The following CYTH1 variants were observed in gnomAD, a reference collection of about 807,000 sequenced individuals.
CYTH1 encodes cytohesin-1.
Under a neutral mutation model 61.8 loss-of-function variants are expected in CYTH1, and 18 were observed. That is an observed-to-expected ratio of 0.29 (90% CI 0.20 to 0.43). The LOEUF (loss-of-function observed/expected upper bound fraction) is 0.43, where lower values mean the gene tolerates loss of function less well. Ranked by LOEUF, CYTH1 falls within the 20% of genes least tolerant of loss-of-function variation. The pLI is 1.00. For missense variants in CYTH1, 336 were observed against 510.5 expected (o/e 0.66, Z 3.29); for synonymous variants, 174 against 184.3 (o/e 0.94, Z 0.45).
chr17:78,702,653 G>T (rs1451450594), intron 3 of CYTH1, 49 bp from the exon 4 acceptor site: 1 of 1,570,490 alleles, frequency 6.4e-7, no homozygotes, highest in Admixed American at 1.7e-5. Flanking sequence ...CCATCGGAAA[G>T]GCTTGAAAGA....
chr17:78,761,465 G>A lies in CYTH1; in HGVS notation c.22+20737C>T, dbSNP rs185655484. Among the ~76,000 whole-genome samples, 133 of 152,330 alleles carry A rather than the reference G, an allele frequency of 8.7e-4. 4 individuals carry two copies. Among genetic ancestry groups the A allele is most frequent in the Non-Finnish European group, 9.4e-4 (64 of 68,036 alleles). ...AAAAATCAAGAGGCAGGGGCCAGGC[G>A]CGGTGGCTCACGCCTGTAATCCCAA... On this transcript the variant is annotated intron_variant, in intron 1 of 13. Transcript: ENST00000446868.
At chr17:78,684,355 A>G (rs1045548842) in intron 11 of CYTH1, among the ~76,000 whole-genome samples, 1 of 152,240 alleles carries the variant, frequency 6.6e-6, no homozygotes, top group Admixed American at 6.5e-5. Flanking sequence ...CTGGGCAGCA[A>G]TGTAAAATCC....
At chr17:78,722,568 G>A (rs2093237869) in intron 1 of CYTH1, among the ~76,000 whole-genome samples, 1 of 152,162 alleles carries the variant, frequency 6.6e-6, no homozygotes, top group South Asian at 2.1e-4. Flanking sequence ...CTGTCAGCTT[G>A]CACAGCTGGG....
intron 1 of CYTH1, among the ~76,000 whole-genome samples, chr17:78,755,841 G>A (rs2093398487): frequency 6.6e-6 from 1 of 151,482 alleles, no homozygotes; most frequent in Admixed American, 6.6e-5. Flanking sequence ...AGCCCAAGAG[G>A]TTGAGGTTGC....
chr17:78,698,735 G>GC (rs1398753232), intron 8 of CYTH1, 85 bp downstream of exon 8: 3 of 1,421,692 alleles, frequency 2.1e-6, no homozygotes, highest in African/African-American at 1.5e-5. Context: ...TAAATTGTAT[G>GC]TTTTTTCTTC....
chr17:78,714,205 G>C (rs528982021), intron 1 of CYTH1, among the ~76,000 whole-genome samples: 5 of 152,126 alleles, frequency 3.3e-5, no homozygotes, highest in Admixed American at 3.3e-4. Context: ...CAAGAGAATC[G>C]CTTGAACCCC....
At chr17:78,690,747 C>T (rs1408366317) in intron 11 of CYTH1, among the ~76,000 whole-genome samples, 3 of 152,208 alleles carry the variant, frequency 2.0e-5, no homozygotes, top group East Asian at 3.9e-4. Flanking sequence ...TGATAAAATG[C>T]TACACTTTGC....
In CYTH1 at chr17:78,698,294, G is replaced by C. The variant is rs2092967902; in HGVS notation, c.786C>G (p.Asp262Glu). 3.1e-6 allele frequency: 5 copies of C among 1,613,380 alleles called. No individual in the cohort carries two copies. The highest frequency in any genetic ancestry group is 4.2e-6 in the Non-Finnish European group (5 of 1,179,878). Reference protein sequence around the residue: ...NDLTHTFFNPDREGWLLKLGG... With the variant: ...NDLTHTFFNPEREGWLLKLGG... ...CGAGTTTCAATAGCCAGCCTTCTCG[G>C]TCTGGATTGAAGAAAGTGTGAGTGA... Residue 262 changes from aspartate (D) to glutamate (E), a missense_variant, in exon 9 of 14, where the codon GAC becomes GAG. Transcript: ENST00000446868.
chr17:78,732,716 C>T (rs1287164737), intron 1 of CYTH1, among the ~76,000 whole-genome samples: 1 of 152,124 alleles, frequency 6.6e-6, no homozygotes, highest in African/African-American at 2.4e-5. Flanking sequence ...GTTACAGCAC[C>T]TCAGGTCTTC....
intron 13 of CYTH1, chr17:78,676,725 G>A (rs2092703677): frequency 5.9e-6 from 2 of 337,872 alleles, no homozygotes; most frequent in Non-Finnish European, 1.2e-5. Context: ...AGACCGGCTG[G>A]ACCTGGCTGG....
intron 1 of CYTH1, among the ~76,000 whole-genome samples, chr17:78,763,530 T>C (rs938519767): frequency 2.8e-4 from 42 of 152,090 alleles, no homozygotes; most frequent in African/African-American, 9.4e-4. Context: ...TTTGTTCCTA[T>C]ACATACATAC....
intron 11 of CYTH1, among the ~76,000 whole-genome samples, chr17:78,685,829 C>T (rs1353232316): frequency 6.6e-6 from 1 of 152,110 alleles, no homozygotes; most frequent in Non-Finnish European, 1.5e-5. Flanking sequence ...GATAAAGGGT[C>T]TTGGGTCATT....
At chr17:78,733,342 G>A (rs1019235085) in intron 1 of CYTH1, among the ~76,000 whole-genome samples, 1 of 152,046 alleles carries the variant, frequency 6.6e-6, no homozygotes, top group Non-Finnish European at 1.5e-5. Context: ...ACTATACACT[G>A]TTCTCATCAG....
chr17:78,725,847 A>G (rs1487897962), intron 1 of CYTH1, among the ~76,000 whole-genome samples: 2 of 152,214 alleles, frequency 1.3e-5, no homozygotes, highest in East Asian at 3.8e-4. Flanking sequence ...AGCTGCAACC[A>G]AGAAGTCTAC....
chr17:78,709,453 T>G, intron 2 of CYTH1, 197 bp downstream of exon 2: 1 of 563,892 alleles, frequency 1.8e-6, no homozygotes. Context: ...GACAAGCCAC[T>G]CAACCTCTCT....
chr17:78,760,565 A>C (rs2093424358), intron 1 of CYTH1, among the ~76,000 whole-genome samples: 1 of 33,096 alleles, frequency 3.0e-5, no homozygotes, highest in Non-Finnish European at 7.1e-5. Flanking sequence ...ATGTATATAT[A>C]TATACACATA....
chr17:78,688,183 A>G (rs1166267679), intron 11 of CYTH1, among the ~76,000 whole-genome samples: 1 of 152,242 alleles, frequency 6.6e-6, no homozygotes, highest in Non-Finnish European at 1.5e-5. Flanking sequence ...AAAGCTGTCC[A>G]GTCACGGCAG....
chr17:78,729,752 T>C (rs2093283489), intron 1 of CYTH1, among the ~76,000 whole-genome samples: 1 of 152,212 alleles, frequency 6.6e-6, no homozygotes. Context: ...TGAAAAGATC[T>C]CTAAGACACA....
At chr17:78,772,187 AGAG>A (rs139002446) in intron 1 of CYTH1, among the ~76,000 whole-genome samples, 1,764 of 152,240 alleles carry the variant, frequency 0.012, 25 homozygotes, top group African/African-American at 0.039. Context: ...TTCATCTTGG[AGAG>A]GAGAGCAGGA....
Sources: allele counts gnomAD v4.1 joint callset (sites outside exome capture counted in the v4.1 genomes callset), GRCh38; gene constraint gnomAD v4.1.1; transcripts MANE v1.5; gene names NCBI Gene and HGNC (gene_info 2026-07-23, HGNC 2026-07-21).